The following ATP2C2 variants were observed in gnomAD, a reference collection of about 807,000 sequenced individuals.
ATP2C2 encodes the protein calcium-transporting ATPase type 2C member 2.
A neutral mutation model predicts 110.8 loss-of-function variants in ATP2C2; 171 were observed. The ratio of observed to expected loss-of-function variants is 1.54; its 90% CI spans 1.36 to 1.75. ATP2C2 has a LOEUF of 1.75. ATP2C2 is among the 40% of genes most tolerant of loss of function. ATP2C2 has a pLI of 0.00. For synonymous variants in ATP2C2, 804 were observed against 508.4 expected (o/e 1.58, Z -7.82); for missense variants, 1,963 against 1,235.0 (o/e 1.59, Z -8.84).
intron 10 of ATP2C2, among the ~76,000 whole-genome samples, chr16:84,424,781 T>C (rs1646419975): frequency 6.6e-6 from 1 of 152,124 alleles, no homozygotes; most frequent in Non-Finnish European, 1.5e-5. Context: ...TTCAAGCTAC[T>C]AATGTATAGA....
intron 10 of ATP2C2, among the ~76,000 whole-genome samples, chr16:84,425,353 A>C (rs1341796185): frequency 2.0e-5 from 3 of 152,210 alleles, no homozygotes; most frequent in African/African-American, 7.2e-5. Flanking sequence ...AATTTGAAAA[A>C]ACAGTGACCT....
At position 84,446,356 on chromosome 16, in the gene ATP2C2, T is replaced by C. The variant is rs543178418; in HGVS notation, c.1429T>C (p.Tyr477His). 10 of 1,597,094 alleles carry C rather than the reference T, an allele frequency of 6.3e-6. No individual in the cohort carries two copies. In the South Asian group the frequency reaches 9.1e-5, roughly 15 times the overall value. ...GGACTTAAGTGATATTAAAAATTCA[T>C]ATATAAGAAAAAAAGAGATTCCATT... ...KMDLSDIKNS[Y>H]IRKKEIPFSS... The change falls in exon 16 of 27, where the codon TAT becomes CAT. Residue 477 changes from tyrosine to histidine, a missense_variant. Physicochemically the swap from Tyr to His is moderately conservative, Grantham distance 83 (BLOSUM62 2). Transcript: ENST00000262429.
intron 1 of ATP2C2, among the ~76,000 whole-genome samples, chr16:84,385,541 T>C (rs182726077): frequency 2.6e-5 from 4 of 152,346 alleles, no homozygotes; most frequent in African/African-American, 4.8e-5. Context: ...TATTCATTGA[T>C]ATCAGTAGGA....
chr16:84,411,122 A>T (rs1056782988), intron 6 of ATP2C2, among the ~76,000 whole-genome samples: 2 of 152,106 alleles, frequency 1.3e-5, no homozygotes, highest in Non-Finnish European at 2.9e-5. Context: ...GTTTATTTGA[A>T]TTCTCAATGA....
chr16:84,445,398 C>T (rs796326961), intron 15 of ATP2C2, among the ~76,000 whole-genome samples: 3 of 152,112 alleles, frequency 2.0e-5, no homozygotes, highest in African/African-American at 7.2e-5. Flanking sequence ...TTAGTAGAGA[C>T]AGGGTTTCAC....
At chr16:84,430,747 A>T (rs76298418) in intron 11 of ATP2C2, among the ~76,000 whole-genome samples, 6,357 of 151,980 alleles carry the variant, frequency 0.042, 151 homozygotes, top group Middle Eastern at 0.076. Context: ...ATGTGATCCC[A>T]GTTCACCCTT....
At chr16:84,408,967 C>T (rs188063316) in intron 4 of ATP2C2, among the ~76,000 whole-genome samples, 1 of 152,278 alleles carries the variant, frequency 6.6e-6, no homozygotes, top group East Asian at 1.9e-4. Context: ...CCACCTCTGC[C>T]TAGTTCCAAA....
intron 17 of ATP2C2, among the ~76,000 whole-genome samples, chr16:84,450,965 C>A (rs1597863951): frequency 6.6e-6 from 1 of 152,306 alleles, no homozygotes; most frequent in East Asian, 1.9e-4. Context: ...CAGGTTTCTG[C>A]AGCCACTTTT....
Position 84,463,319 on chromosome 16 carries a change from G to T in ATP2C2, c.2723-295G>T, listed in dbSNP as rs543629689. On this transcript the variant is annotated intron_variant, in intron 26 of 26. Coordinates refer to ENST00000262429, the MANE Select transcript of ATP2C2 (RefSeq NM_014861.4). ...AGGGCACTGGGACAGCTGCTGTAGG[G>T]AAAGGAAACTCATTCCCCTTCCAGC... Among the ~76,000 whole-genome samples, 24 of 152,288 alleles carry T rather than the reference G, an allele frequency of 1.6e-4. No individual in the cohort carries two copies. In the South Asian group the frequency reaches 4.3e-3, roughly 28 times the overall value.
Position 84,408,428 on chromosome 16 carries a change from G to T in ATP2C2, c.351G>T (p.Leu117=). The change falls in exon 4 of 27, where the codon CTG becomes CTT. Residue 117 remains leucine, a synonymous_variant. Transcript: ENST00000262429. ...AGTTTAAGAACCCCCTGATCCTGCT[G>T]CTGCTGGGCTCTGCCCTGGTGAGTG... ...LDQFKNPLIL[L]LLGSALVSVL... is the part of the protein sequence containing the mutation. The T allele has an allele frequency of 1.2e-6, 2 of 1,613,882 alleles. No homozygotes were observed. Among genetic ancestry groups the T allele is most frequent in the Non-Finnish European group, 1.7e-6 (2 of 1,179,992 alleles).
chr16:84,369,140 T>C (rs561695884), intron 1 of ATP2C2, among the ~76,000 whole-genome samples: 4 of 152,284 alleles, frequency 2.6e-5, no homozygotes, highest in Admixed American at 2.6e-4. Flanking sequence ...ATTGCTGAAA[T>C]GTTGTAGCAA....
Position 84,440,849 on chromosome 16 carries a change from C to G in ATP2C2, c.1210-8C>G. On this transcript the variant is annotated splice_region_variant and splice_polypyrimidine_tract_variant and intron_variant, in intron 13 of 26. Coordinates refer to ENST00000262429, the MANE Select transcript of ATP2C2 (RefSeq NM_014861.4). ...TGGCGAAACCCTTTCTTCTGCCTCG[C>G]CCTGCAGGTCAGCGGAGTTGGGTAT... 6.2e-7 allele frequency: 1 copy of G among 1,609,058 alleles called. No individual in the cohort carries two copies. The highest frequency in any genetic ancestry group is 8.5e-7 in the Non-Finnish European group (1 of 1,177,076).
chr16:84,409,305 C>A (rs568143991), intron 4 of ATP2C2, among the ~76,000 whole-genome samples: 1 of 152,216 alleles, frequency 6.6e-6, no homozygotes. Flanking sequence ...TTCATAGGGT[C>A]AGGGGGCTGG....
intron 15 of ATP2C2, among the ~76,000 whole-genome samples, chr16:84,444,615 C>T (rs540999187): frequency 1.6e-4 from 24 of 152,362 alleles, no homozygotes; most frequent in Admixed American, 2.6e-4. Context: ...AACAACTCCT[C>T]GCCGCCCAGA....
chr16:84,380,707 A>C (rs370747839), intron 1 of ATP2C2, among the ~76,000 whole-genome samples: 1 of 152,216 alleles, frequency 6.6e-6, no homozygotes, highest in East Asian at 1.9e-4. Flanking sequence ...GACCTCGGGC[A>C]AACTTAACTT....
In ATP2C2 at chr16:84,403,399, G is replaced by C. The variant is rs1205453309; in HGVS notation, c.211-1729G>C. Reference sequence around the variant, plus strand: ...AGGGCCAGTGCAGCCTCCACCTCCTGGGCTTAAGCAATCGTCCTGCCTCAG... The same window carrying C: ...AGGGCCAGTGCAGCCTCCACCTCCTCGGCTTAAGCAATCGTCCTGCCTCAG... On this transcript the variant is annotated intron_variant, in intron 2 of 26. Coordinates refer to ENST00000262429, the MANE Select transcript of ATP2C2 (RefSeq NM_014861.4). Among the ~76,000 whole-genome samples the C allele has an allele frequency of 3.3e-5, 5 of 152,056 alleles. No individual in the cohort carries two copies. In the East Asian group the frequency reaches 7.7e-4, roughly 23 times the overall value.
chr16:84,415,526 G>C lies in ATP2C2; in HGVS notation c.559G>C (p.Val187Leu). ...CCAGCACCTGCTTGCTCGAGAACTG[G>C]TTCCTGGTGATGTCGTATCTCTCTC... is the stretch of plus-strand genomic sequence containing the variant. Reference protein sequence around the residue: ...KLQHLLARELVPGDVVSLSIG... With the variant: ...KLQHLLARELLPGDVVSLSIG... The change falls in exon 7 of 27, where the codon GTT (valine) becomes CTT (leucine). Residue 187 changes from valine to leucine, a missense_variant. Coordinates refer to ENST00000262429, the MANE Select transcript of ATP2C2 (RefSeq NM_014861.4). 1 of 1,614,168 alleles carries C rather than the reference G, an allele frequency of 6.2e-7. No homozygotes were observed. The highest frequency in any genetic ancestry group is 8.5e-7 in the Non-Finnish European group (1 of 1,180,036).
chr16:84,393,936 A>G (rs1048757846), intron 1 of ATP2C2, among the ~76,000 whole-genome samples: 6 of 150,988 alleles, frequency 4.0e-5, no homozygotes, highest in Admixed American at 2.6e-4. Context: ...CAGGTGGATC[A>G]CTTGAGTCCA....
At chr16:84,446,784 C>T (rs1055848850) in intron 16 of ATP2C2, among the ~76,000 whole-genome samples, 3 of 152,194 alleles carry the variant, frequency 2.0e-5, no homozygotes, top group Admixed American at 2.0e-4. Flanking sequence ...GATGCAGGTG[C>T]AAATGTTGAG....
Sources: gnomAD v4.1 joint callset for allele counts (sites outside exome capture counted in the v4.1 genomes callset) on GRCh38, gnomAD v4.1.1 for gene constraint, MANE v1.5 for transcripts, NCBI Gene and HGNC (gene_info 2026-07-23, HGNC 2026-07-21) for gene names.